CCDC180: variants seen among roughly 807,000 people sequenced by gnomAD.
CCDC180 encodes the protein coiled-coil domain containing 180.
A neutral mutation model predicts 209.2 loss-of-function variants in CCDC180; 154 were observed. The observed-to-expected ratio is 0.74, with a 90% CI of 0.65 to 0.84. The LOEUF is 0.84. Among genes scored for constraint, CCDC180 ranks in the 40% least tolerant of loss-of-function variants. The probability of loss-of-function intolerance (pLI) is 0.00; values close to 1 mark genes in which losing one functional copy is unlikely to be tolerated. For synonymous variants in CCDC180, 778 were observed against 749.1 expected (o/e 1.04, Z -0.63); for missense variants, 1,874 against 1,997.3 (o/e 0.94, Z 1.18).
intron 24 of CCDC180, among the ~76,000 whole-genome samples, chr9:97,355,747 G>T (rs780491467): frequency 1.2e-4 from 18 of 152,196 alleles, no homozygotes; most frequent in African/African-American, 4.3e-4. Context: ...AGGTGGCTGC[G>T]TGGGGATTGA....
At chr9:97,307,843 A>T in intron 1 of CCDC180, 37 bp downstream of exon 1, 1 of 1,613,034 alleles carries the variant, frequency 6.2e-7, no homozygotes, top group African/African-American at 1.3e-5. Context: ...TAAAACCCTA[A>T]GTCGACGTTC....
chr9:97,323,999 C>G, intron 13 of CCDC180, 96 bp downstream of exon 13: 1 of 1,418,870 alleles, frequency 7.0e-7, no homozygotes, highest in African/African-American at 1.4e-5. Flanking sequence ...CTCCAACTTG[C>G]ATGTTCCTAG....
At chr9:97,353,838 C>CT (rs1826490033) in intron 22 of CCDC180, among the ~76,000 whole-genome samples, 1 of 152,104 alleles carries the variant, frequency 6.6e-6, no homozygotes, top group African/African-American at 2.4e-5. Flanking sequence ...CTTCCTCAGT[C>CT]TTACAATGCA....
At chr9:97,340,239 C>T (rs1432615946) in intron 18 of CCDC180, among the ~76,000 whole-genome samples, 4 of 152,068 alleles carry the variant, frequency 2.6e-5, no homozygotes, top group East Asian at 1.9e-4. Flanking sequence ...GGAGAAGGGG[C>T]GCTCGGGTTT....
chr9:97,354,794 C>T lies in CCDC180; in HGVS notation c.3147+81C>T, dbSNP rs1826526353. On this transcript the variant is annotated intron_variant, in intron 23 of 36. Transcript: ENST00000529487. ...CTCCCTCTGAAGGGAGGGCCAAGCC[C>T]TCCATCCAACCATTCACTGGGCCTG... 5 of 1,590,456 alleles carry T rather than the reference C, an allele frequency of 3.1e-6. No individual in the cohort carries two copies. In the Admixed American group the frequency reaches 6.7e-5, roughly 21 times the overall value.
rs577900246 is a variant in CCDC180 at position 97,314,426 on chromosome 9, CT to C, written c.500del (p.Leu167Ter). On this transcript the variant is annotated frameshift_variant, in exon 6 of 37. Coordinates refer to ENST00000529487, the MANE Select transcript of CCDC180 (RefSeq NM_020893.6). LOFTEE classifies it high-confidence loss of function. Reference sequence around the variant, plus strand: ...ACCTCTCATCGTGGACACAGGGGGACTTTTTTTGAAGAAGCTGACTGAGTCT... The same window carrying C: ...ACCTCTCATCGTGGACACAGGGGGACTTTTTTGAAGAAGCTGACTGAGTCT... ...MEPLIVDTGGLFLKKLTESDE... is the reference protein window; with the variant it reads ...MEPLIVDTGGXFLKKLTESDE... 6.2e-7 allele frequency: 1 copy of C among 1,614,098 alleles called. No individual in the cohort carries two copies.
intron 14 of CCDC180, among the ~76,000 whole-genome samples, chr9:97,325,755 C>T (rs748236382): frequency 1.3e-5 from 2 of 152,198 alleles, no homozygotes; most frequent in Non-Finnish European, 1.5e-5. Flanking sequence ...AGGGTAGTGC[C>T]GGTGCTGGTG....
intron 11 of CCDC180, among the ~76,000 whole-genome samples, chr9:97,321,046 G>C (rs1002339135): frequency 6.6e-6 from 1 of 152,176 alleles, no homozygotes; most frequent in Admixed American, 6.5e-5. Flanking sequence ...ACGGTGACAA[G>C]CTGCAGCTCC....
intron 21 of CCDC180, among the ~76,000 whole-genome samples, 168 bp downstream of exon 21, chr9:97,349,459 A>G (rs1826363358): frequency 6.6e-6 from 1 of 152,216 alleles, no homozygotes; most frequent in Admixed American, 6.5e-5. Context: ...TCTGTGTGGA[A>G]TATTGCTTGG....
At chr9:97,322,693 C>T in intron 11 of CCDC180, 140 bp from the exon 12 acceptor site, 2 of 696,874 alleles carry the variant, frequency 2.9e-6, no homozygotes, top group South Asian at 1.7e-5. Context: ...GACCCCAGCC[C>T]CTGATCTCAA....
At chr9:97,311,257 G>C (rs920495748) in intron 3 of CCDC180, among the ~76,000 whole-genome samples, 2 of 152,174 alleles carry the variant, frequency 1.3e-5, no homozygotes, top group African/African-American at 4.8e-5. Context: ...CTCCTACAGG[G>C]CTGCCTTGGT....
chr9:97,324,817 G>A (rs1159141563), intron 13 of CCDC180, among the ~76,000 whole-genome samples: 1 of 152,188 alleles, frequency 6.6e-6, no homozygotes, highest in Non-Finnish European at 1.5e-5. Context: ...CAAGACCAAG[G>A]GCAGGGCCTT....
chr9:97,371,480 G>T (rs1827098664), intron 33 of CCDC180, 115 bp from the exon 34 acceptor site: 3 of 569,170 alleles, frequency 5.3e-6, no homozygotes, highest in Admixed American at 2.6e-5. Context: ...GGACACAGTG[G>T]ATATAATGGC....
At position 97,368,580 on chromosome 9, in the gene CCDC180, G is replaced by A. The variant is rs113744539; in HGVS notation, c.4190-1342G>A. 3.6e-3 allele frequency among the ~76,000 whole-genome samples: 552 copies of A among 152,314 alleles called. 6 individuals carry two copies. The highest frequency in any genetic ancestry group is 0.013 in the African/African-American group (535 of 41,572). On this transcript the variant is annotated intron_variant, in intron 31 of 36. Transcript: ENST00000529487. ...TCCAAAGAGAAATCCAGAACTATAT[G>A]CCAGTCCCTGTGTGGTTTCTAAATT...
Position 97,370,624 on chromosome 9 carries a change from G to A in CCDC180, c.4351-17G>A. The A allele has an allele frequency of 6.2e-7, 1 of 1,612,286 alleles. No homozygotes were observed. The highest frequency in any genetic ancestry group is 8.5e-7 in the Non-Finnish European group (1 of 1,179,316). On this transcript the variant is annotated splice_polypyrimidine_tract_variant and intron_variant, in intron 32 of 36. Transcript: ENST00000529487. ...TGGGTTAACATTGCCACTGAATTCT[G>A]GATTGTTTGATTAAAGGACAAAAAT...
In CCDC180 at chr9:97,325,032, C is replaced by T. The variant is rs1386998966; in HGVS notation, c.1385C>T (p.Thr462Ile). The T allele has an allele frequency of 1.2e-6, 2 of 1,613,710 alleles. No individual in the cohort carries two copies. Among genetic ancestry groups the T allele is most frequent in the African/African-American group, 2.7e-5 (2 of 74,928 alleles). Residue 462 changes from threonine (T) to isoleucine (I), a missense_variant, in exon 14 of 37, where the codon ACT (threonine) becomes ATT (isoleucine). Transcript: ENST00000529487. ...CTGCCACTGCAGAAATCCTTCGAGACTCTGGCAGATCAGACAGAGTGGCAG... is the reference window on the plus strand; with the variant it reads ...CTGCCACTGCAGAAATCCTTCGAGATTCTGGCAGATCAGACAGAGTGGCAG... ...DLELLDKSFE[T>I]LADQTEWQSS... is the part of the protein sequence containing the mutation.
chr9:97,311,832 T>C (rs1459397703), intron 3 of CCDC180, among the ~76,000 whole-genome samples: 1 of 152,104 alleles, frequency 6.6e-6, no homozygotes, highest in Non-Finnish European at 1.5e-5. Context: ...TGGCTCAGGC[T>C]CATCATCCAC....
At position 97,359,564 on chromosome 9, in the gene CCDC180, C is replaced by T. The variant is rs192468012; in HGVS notation, c.3364-418C>T. The stretch of plus-strand genomic sequence containing the variant: ...TTGCCATGGAGGTGGCCAGATCACT[C>T]TCCTACACACTCCTGCACACCCTTG... On this transcript the variant is annotated intron_variant, in intron 25 of 36. Transcript: ENST00000529487. Among the ~76,000 whole-genome samples, 10 of 152,270 alleles carry T rather than the reference C, an allele frequency of 6.6e-5. 1 individual carries two copies. The highest frequency in any genetic ancestry group is 6.5e-4 in the Admixed American group (10 of 15,308).
chr9:97,309,088 C>T (rs981590397), intron 2 of CCDC180, among the ~76,000 whole-genome samples: 2 of 152,188 alleles, frequency 1.3e-5, no homozygotes, highest in African/African-American at 2.4e-5. Context: ...TTCCATCAAA[C>T]AGACATACCA....
Sources: gnomAD v4.1 joint callset for allele counts (sites outside exome capture counted in the v4.1 genomes callset) on GRCh38, gnomAD v4.1.1 for gene constraint, MANE v1.5 for transcripts, NCBI Gene and HGNC (gene_info 2026-07-23, HGNC 2026-07-21) for gene names.